Variants in CYB5R4 observed in about 807,000 individuals in gnomAD.
CYB5R4 encodes the protein cytochrome b5 reductase 4, also known as N-terminal cytochrome b5 and cytochrome b5 oxidoreductase domain-containing protein.
CYB5R4 carries 55 observed loss-of-function variants against 70.2 expected under a neutral mutation model. The ratio of observed to expected loss-of-function variants is 0.78; its 90% CI spans 0.63 to 0.98. The LOEUF is 0.98. Ranked by LOEUF, CYB5R4 falls within the 50% of genes least tolerant of loss-of-function variation. The pLI is 0.00. For missense variants in CYB5R4, 562 were observed against 612.6 expected, an observed-to-expected ratio of 0.92 and a Z score of 0.87; for synonymous variants, 197 against 199.5, an observed-to-expected ratio of 0.99 and a Z score of 0.11.
At position 83,942,687 on chromosome 6, in the gene CYB5R4, G is replaced by A. The variant is rs201408348; in HGVS notation, c.1346+2086G>A. Among the ~76,000 whole-genome samples, 84 of 152,248 alleles carry A rather than the reference G, an allele frequency of 5.5e-4. No individual in the cohort carries two copies. In the East Asian group the frequency reaches 7.0e-3, roughly 13 times the overall value. On this transcript the variant is annotated intron_variant, in intron 14 of 15. Transcript: ENST00000369681. Reference sequence around the variant, plus strand: ...CTTGCTCAGCGGATCCCACCCCAACGGAGCCCAGCAAGCTAAAATCCACTG... The same window carrying A: ...CTTGCTCAGCGGATCCCACCCCAACAGAGCCCAGCAAGCTAAAATCCACTG...
At chr6:83,896,090 G>A (rs2099461852) in intron 3 of CYB5R4, among the ~76,000 whole-genome samples, 1 of 151,944 alleles carries the variant, frequency 6.6e-6, no homozygotes, top group South Asian at 2.1e-4. Flanking sequence ...TGTAATAGGG[G>A]CTTGAATTCC....
In CYB5R4 at chr6:83,943,421, C is replaced by CA. The variant is rs879280344; in HGVS notation, c.1346+2830dup. Among the ~76,000 whole-genome samples, 1,244 of 146,574 alleles carry CA rather than the reference C, an allele frequency of 8.5e-3. 6 individuals are homozygous for CA. Among genetic ancestry groups the CA allele is most frequent in the Non-Finnish European group, 0.012 (824 of 66,292 alleles). On this transcript the variant is annotated intron_variant, in intron 14 of 15. Transcript: ENST00000369681. The stretch of plus-strand genomic sequence containing the variant: ...AAACAGAAAGCAATAGCATCAACAT[C>CA]AAAAAAAAAAGGATGACCAAGCAAA...
chr6:83,859,966 C>A, intron 1 of CYB5R4, 109 bp downstream of exon 1: 3 of 1,064,400 alleles, frequency 2.8e-6, no homozygotes, highest in South Asian at 1.6e-5. Flanking sequence ...TCTAAGCTGT[C>A]GTTCCCTGCT....
At chr6:83,880,166 C>T (rs2099459230) in intron 2 of CYB5R4, among the ~76,000 whole-genome samples, 1 of 152,176 alleles carries the variant, frequency 6.6e-6, no homozygotes, top group Non-Finnish European at 1.5e-5. Context: ...CATTTTAGTA[C>T]ATGTATACAT....
chr6:83,939,467 T>C (rs1225392505), intron 12 of CYB5R4, among the ~76,000 whole-genome samples: 3 of 152,206 alleles, frequency 2.0e-5, no homozygotes. Flanking sequence ...TTTGTTTTTA[T>C]GGGAATTAAA....
intron 2 of CYB5R4, among the ~76,000 whole-genome samples, chr6:83,892,320 CTCT>C (rs1374264794): frequency 6.6e-6 from 1 of 152,050 alleles, no homozygotes; most frequent in Non-Finnish European, 1.5e-5. Flanking sequence ...GAAATCCAAC[CTCT>C]TCTTTTCTTC....
chr6:83,883,850 G>T (rs1390173036), intron 2 of CYB5R4, among the ~76,000 whole-genome samples: 1 of 152,076 alleles, frequency 6.6e-6, no homozygotes, highest in East Asian at 1.9e-4. Flanking sequence ...GCAGTAAATG[G>T]TTCTTATATT....
chr6:83,920,506 G>C (rs2099466200), intron 7 of CYB5R4, among the ~76,000 whole-genome samples: 1 of 151,970 alleles, frequency 6.6e-6, no homozygotes. Context: ...GGATGGCTAA[G>C]GGAAAAGGAA....
chr6:83,909,153 G>A, intron 4 of CYB5R4, 63 bp downstream of exon 4: 1 of 1,383,406 alleles, frequency 7.2e-7, no homozygotes, highest in Non-Finnish European at 1.0e-6. Flanking sequence ...TTTTTAACTT[G>A]GATTTAAACA....
Position 83,966,949 on chromosome 6 carries a change from A to C in CYB5R4, c.*7071A>C, listed in dbSNP as rs2099474181. The C allele has an allele frequency of 6.6e-6, 1 of 152,222 alleles. No homozygotes were observed. The highest frequency in any genetic ancestry group is 2.4e-5 in the African/African-American group (1 of 41,466). The allele number at this position is 152,222 out of a possible 1,614,324, so 9.4% of individuals were successfully genotyped here. A position where few individuals can be genotyped will look rare whatever the true frequency, so the allele number is the denominator to read the frequency against. The stretch of plus-strand genomic sequence containing the variant: ...TTAGTAAAATTACTGAACCATGAAA[A>C]GTAAATGCCTTTAGTTATCTAAACA... On this transcript the variant is annotated 3_prime_UTR_variant, in exon 16 of 16. Transcript: ENST00000369681.
intron 3 of CYB5R4, among the ~76,000 whole-genome samples, chr6:83,898,321 A>ATT (rs1277397629): frequency 6.6e-5 from 10 of 152,048 alleles, no homozygotes; most frequent in African/African-American, 1.7e-4. Flanking sequence ...CCATTGGTCT[A>ATT]TATCTCTGTT....
At chr6:83,927,578 A>G (rs2099467495) in intron 10 of CYB5R4, among the ~76,000 whole-genome samples, 1 of 152,224 alleles carries the variant, frequency 6.6e-6, no homozygotes, top group East Asian at 1.9e-4. Context: ...AAAGGATATT[A>G]CAAAGGATAC....
intron 3 of CYB5R4, among the ~76,000 whole-genome samples, chr6:83,899,648 T>C (rs971075730): frequency 2.3e-4 from 35 of 152,196 alleles, no homozygotes; most frequent in Admixed American, 6.5e-4. Context: ...TCAGAGCCTG[T>C]TATTGGACTA....
intron 10 of CYB5R4, among the ~76,000 whole-genome samples, chr6:83,926,519 G>C (rs1457545738): frequency 6.6e-6 from 1 of 152,028 alleles, no homozygotes; most frequent in Non-Finnish European, 1.5e-5. Flanking sequence ...TCTTCCTTCT[G>C]TGTGTCTGTG....
chr6:83,942,136 T>C (rs1247016661), intron 14 of CYB5R4, among the ~76,000 whole-genome samples: 1 of 152,132 alleles, frequency 6.6e-6, no homozygotes, highest in Non-Finnish European at 1.5e-5. Flanking sequence ...AGCTTCTGTT[T>C]TTGTAAGTAA....
chr6:83,950,290 T>C (rs1396656397), intron 14 of CYB5R4, among the ~76,000 whole-genome samples: 3 of 152,176 alleles, frequency 2.0e-5, no homozygotes, highest in East Asian at 3.8e-4. Flanking sequence ...TCTAGCAAAA[T>C]CTTATCCTTT....
rs2129132357 is a variant in CYB5R4, at chr6:83,884,991, T to C, written c.230-8531T>C. 1.3e-5 allele frequency among the ~76,000 whole-genome samples: 2 copies of C among 152,290 alleles called. 1 individual carries two copies. Among genetic ancestry groups the C allele is most frequent in the Admixed American group, 1.3e-4 (2 of 15,300 alleles). Reference sequence around the variant, plus strand: ...CAAACTTTTTGGTCTTAAAATATCTTTACTCTTTTATTGTTGAAGACTCCA... The same window carrying C: ...CAAACTTTTTGGTCTTAAAATATCTCTACTCTTTTATTGTTGAAGACTCCA... On this transcript the variant is annotated intron_variant, in intron 2 of 15. Coordinates refer to ENST00000369681, the MANE Select transcript of CYB5R4 (RefSeq NM_016230.4).
intron 10 of CYB5R4, among the ~76,000 whole-genome samples, chr6:83,927,273 C>G (rs1411800017): frequency 1.3e-5 from 2 of 152,142 alleles, no homozygotes; most frequent in Non-Finnish European, 2.9e-5. Context: ...CCACTCAGAA[C>G]ACTAAAATGT....
rs546368691 is a variant in CYB5R4, at chr6:83,911,262, A to G, written c.412+2172A>G. Reference sequence around the variant, plus strand: ...TCTACAAAAATTAAAAAAAAATTATATTTAATTAAAAAAAAGAATCAGGTC... The same window carrying G: ...TCTACAAAAATTAAAAAAAAATTATGTTTAATTAAAAAAAAGAATCAGGTC... On this transcript the variant is annotated intron_variant, in intron 4 of 15. Coordinates refer to ENST00000369681, the MANE Select transcript of CYB5R4 (RefSeq NM_016230.4). 2.6e-5 allele frequency among the ~76,000 whole-genome samples: 4 copies of G among 152,080 alleles called. 1 individual carries two copies. In the East Asian group the frequency reaches 5.8e-4, roughly 22 times the overall value.
Sources: allele counts gnomAD v4.1 joint callset (sites outside exome capture counted in the v4.1 genomes callset), GRCh38; gene constraint gnomAD v4.1.1; transcripts MANE v1.5; gene names NCBI Gene and HGNC (gene_info 2026-07-23, HGNC 2026-07-21).